NADK2: variants seen among roughly 807,000 people sequenced by gnomAD.
NADK2 encodes the protein NAD kinase domain-containing protein 1, mitochondrial.
In NADK2, 35 loss-of-function variants were observed where a neutral mutation model predicts 62.1. The ratio of observed to expected loss-of-function variants is 0.56; its 90% CI spans 0.43 to 0.75. The LOEUF is 0.75. Among genes scored for constraint, NADK2 ranks in the 30% least tolerant of loss-of-function variants. The pLI is 0.00. For synonymous variants in NADK2, 205 were observed against 207.9 expected, an observed-to-expected ratio of 0.99 and a Z score of 0.12; for missense variants, 439 against 561.3, an observed-to-expected ratio of 0.78 and a Z score of 2.20.
chr5:36,204,116 TA>T (rs750691765), intron 8 of NADK2, among the ~76,000 whole-genome samples: 1 of 152,208 alleles, frequency 6.6e-6, no homozygotes, highest in Non-Finnish European at 1.5e-5. Flanking sequence ...GGAATGCTAC[TA>T]CTTTCTTCCA....
chr5:36,198,586 A>T (rs761854563), intron 10 of NADK2, among the ~76,000 whole-genome samples: 20 of 148,232 alleles, frequency 1.3e-4, no homozygotes, highest in African/African-American at 3.7e-4. Flanking sequence ...AGATATTTTT[A>T]TATATATATA....
At chr5:36,199,046 T>G in intron 10 of NADK2, among the ~76,000 whole-genome samples, 1 of 150,764 alleles carries the variant, frequency 6.6e-6, no homozygotes, top group African/African-American at 2.4e-5. Flanking sequence ...CACTGGGGAC[T>G]GTTGTGGGGT....
intron 1 of NADK2, among the ~76,000 whole-genome samples, chr5:36,237,900 G>A (rs1747966831): frequency 6.6e-6 from 1 of 152,142 alleles, no homozygotes; most frequent in African/African-American, 2.4e-5. Context: ...GTCTTGCGGG[G>A]CTAAGGTTCA....
Position 36,194,979 on chromosome 5 carries a change from T to C in NADK2, c.*165A>G. 4 of 663,834 alleles carry C rather than the reference T, an allele frequency of 6.0e-6. No homozygotes were observed. In the South Asian group the frequency reaches 8.5e-5, roughly 14 times the overall value. The allele number at this position is 663,834 out of a possible 1,614,324, so 41.1% of individuals were successfully genotyped here. A position where few individuals can be genotyped will look rare whatever the true frequency, so the allele number is the denominator to read the frequency against. ...TCCATTTTCTTATACAGTGAATGTC[T>C]TTTTTTCTATCAGAATCCAACAGAA... On this transcript the variant is annotated 3_prime_UTR_variant, in exon 12 of 12. Coordinates refer to ENST00000381937, the MANE Select transcript of NADK2 (RefSeq NM_001085411.3).
Position 36,241,922 on chromosome 5 carries a change from G to A in NADK2, c.-124C>T. 1.3e-6 allele frequency: 1 copy of A among 795,458 alleles called. No individual in the cohort carries two copies. The highest frequency in any genetic ancestry group is 1.6e-6 in the Non-Finnish European group (1 of 634,294). 49.3% of individuals were successfully genotyped at this position (795,458 alleles called of 1,614,324 possible). On this transcript the variant is annotated 5_prime_UTR_variant, in exon 1 of 12. Transcript: ENST00000381937. The surrounding 1 kb of genome is among the most constrained non-coding windows in gnomAD (Gnocchi z 4.9). ...TTCGCGCCGGACGGGCAGAGGTTAA[G>A]TGCCAGGACGTGCGTGGCCCACGCG...
At chr5:36,208,948 G>C (rs1746741623) in intron 7 of NADK2, among the ~76,000 whole-genome samples, 1 of 151,974 alleles carries the variant, frequency 6.6e-6, no homozygotes, top group Non-Finnish European at 1.5e-5. Flanking sequence ...TCTCAATTTT[G>C]TCACTAATAA....
intron 1 of NADK2, among the ~76,000 whole-genome samples, chr5:36,237,793 G>A (rs1747962843): frequency 1.3e-5 from 2 of 152,102 alleles, no homozygotes; most frequent in Admixed American, 1.3e-4. Context: ...TGCCAACCAG[G>A]GATAAAACAC....
At chr5:36,234,176 C>T (rs902757759) in intron 1 of NADK2, among the ~76,000 whole-genome samples, 4 of 151,662 alleles carry the variant, frequency 2.6e-5, no homozygotes, top group East Asian at 1.9e-4. Context: ...AGATCGAGAC[C>T]ATCCTGGCTA....
intron 4 of NADK2, among the ~76,000 whole-genome samples, chr5:36,224,251 G>A (rs973956730): frequency 2.0e-5 from 3 of 152,122 alleles, no homozygotes; most frequent in African/African-American, 7.2e-5. Context: ...GAAGTAGAAA[G>A]GATGATGGTC....
At chr5:36,209,109 C>T (rs1169007653) in intron 7 of NADK2, among the ~76,000 whole-genome samples, 1 of 152,100 alleles carries the variant, frequency 6.6e-6, no homozygotes, top group African/African-American at 2.4e-5. Context: ...AAAGTGAGTT[C>T]TAATACCTGC....
chr5:36,219,542 A>G, intron 5 of NADK2, 54 bp downstream of exon 5: 5 of 1,463,120 alleles, frequency 3.4e-6, no homozygotes, highest in South Asian at 1.1e-5. Context: ...AGCATTATTA[A>G]TGGCACATAC....
intron 6 of NADK2, among the ~76,000 whole-genome samples, chr5:36,216,124 G>A (rs1747033397): frequency 2.0e-5 from 3 of 152,024 alleles, no homozygotes; most frequent in African/African-American, 4.8e-5. Flanking sequence ...TTTGATAACG[G>A]CCATTCTAAC....
chr5:36,203,618 C>CT (rs1746526869), intron 8 of NADK2, among the ~76,000 whole-genome samples: 1 of 152,026 alleles, frequency 6.6e-6, no homozygotes, highest in Non-Finnish European at 1.5e-5. Flanking sequence ...AGATTTTAAT[C>CT]TAACCCATAC....
chr5:36,241,787 G>A lies in NADK2; in HGVS notation c.12C>T (p.Tyr4=). 2.2e-6 allele frequency: 3 copies of A among 1,340,676 alleles called. No individual in the cohort carries two copies. Among genetic ancestry groups the A allele is most frequent in the South Asian group, 3.4e-5 (2 of 59,142 alleles). The allele number at this position is 1,340,676 out of a possible 1,614,324, so 83.0% of individuals were successfully genotyped here. A position where few individuals can be genotyped will look rare whatever the true frequency, so the allele number is the denominator to read the frequency against. The change falls in exon 1 of 12, where the codon TAC becomes TAT. Residue 4 remains tyrosine (Y), a synonymous_variant. Coordinates refer to ENST00000381937, the MANE Select transcript of NADK2 (RefSeq NM_001085411.3). This position sits in a 1 kb window ranked among gnomAD's most constrained non-coding sequence, Gnocchi z 4.9. MTC[Y]RGFLLGSCCR... Reference sequence around the variant, plus strand: ...AACAGCTGCCCAGCAAGAAGCCTCGGTAGCAAGTCATCGTGGGCCGGGCCG... The same window carrying A: ...AACAGCTGCCCAGCAAGAAGCCTCGATAGCAAGTCATCGTGGGCCGGGCCG...
intron 1 of NADK2, among the ~76,000 whole-genome samples, chr5:36,237,304 G>A (rs1279177830): frequency 3.3e-5 from 5 of 151,962 alleles, no homozygotes; most frequent in Admixed American, 3.3e-4. Context: ...GAATGGGAAT[G>A]TTCTTTATGA....
chr5:36,194,956 C>T lies in NADK2; in HGVS notation c.*188G>A. 1.9e-6 allele frequency: 1 copy of T among 529,144 alleles called. No individual in the cohort carries two copies. The highest frequency in any genetic ancestry group is 3.8e-5 in the South Asian group (1 of 26,192). 32.8% of individuals were successfully genotyped at this position (529,144 alleles called of 1,614,324 possible). On this transcript the variant is annotated 3_prime_UTR_variant, in exon 12 of 12. Coordinates refer to ENST00000381937, the MANE Select transcript of NADK2 (RefSeq NM_001085411.3). Reference sequence around the variant, plus strand: ...TCAATTCTAATTGGTTCAGTCCATCCATTTTCTTATACAGTGAATGTCTTT... The same window carrying T: ...TCAATTCTAATTGGTTCAGTCCATCTATTTTCTTATACAGTGAATGTCTTT...
intron 1 of NADK2, among the ~76,000 whole-genome samples, chr5:36,235,077 T>C (rs1307988167): frequency 3.3e-5 from 5 of 152,164 alleles, no homozygotes; most frequent in Non-Finnish European, 7.4e-5. Context: ...AGTGACACTT[T>C]AAACAAATTA....
At chr5:36,208,635 G>A in intron 7 of NADK2, 1 of 1,531,710 alleles carries the variant, frequency 6.5e-7, no homozygotes, top group Non-Finnish European at 8.7e-7. Flanking sequence ...AGTCCCTTTA[G>A]AGTGGGTATA....
At chr5:36,204,091 C>T (rs1746547665) in intron 8 of NADK2, among the ~76,000 whole-genome samples, 1 of 152,154 alleles carries the variant, frequency 6.6e-6, no homozygotes, top group South Asian at 2.1e-4. Flanking sequence ...CCTTAACTTA[C>T]TCCTTTATAA....
Sources: allele counts gnomAD v4.1 joint callset (sites outside exome capture counted in the v4.1 genomes callset), GRCh38; gene constraint gnomAD v4.1.1; non-coding constraint Gnocchi (gnomAD v3.1); transcripts MANE v1.5; gene names NCBI Gene and HGNC (gene_info 2026-07-23, HGNC 2026-07-21).